The following DMD variants were observed in gnomAD, a reference collection of about 807,000 sequenced individuals.
DMD encodes the protein dystrophin.
A neutral mutation model predicts 330.1 loss-of-function variants in DMD; 63 were observed. That is an observed-to-expected ratio of 0.19 (90% CI 0.16 to 0.24). The LOEUF (loss-of-function observed/expected upper bound fraction) is 0.24. Ranked by LOEUF, DMD falls within the 10% of genes least tolerant of loss-of-function variation. The probability of loss-of-function intolerance (pLI) is 1.00; values close to 1 mark genes in which losing one functional copy is unlikely to be tolerated. For missense variants in DMD, 3,344 were observed against 2,684.1 expected, an observed-to-expected ratio of 1.25 and a Z score of -5.43; for synonymous variants, 1,223 against 959.8, an observed-to-expected ratio of 1.27 and a Z score of -5.07.
chrX:33,116,603 C>G (rs1012457530), intron 1 of DMD, among the ~76,000 whole-genome samples: 4 of 111,577 alleles, frequency 3.6e-5, no homozygotes, highest in African/African-American at 1.3e-4. Flanking sequence ...AGTTAATCCA[C>G]AGGAAATAAT....
chrX:32,712,419 C>A (rs2065273270), intron 7 of DMD, among the ~76,000 whole-genome samples: 1 of 111,190 alleles, frequency 9.0e-6, no homozygotes, highest in Non-Finnish European at 1.9e-5. Context: ...AAATGTGAAA[C>A]CTCAGGATCA....
At chrX:32,833,524 C>T (rs2079329629) in intron 4 of DMD, among the ~76,000 whole-genome samples, 1 of 109,442 alleles carries the variant, frequency 9.1e-6, no homozygotes, top group African/African-American at 3.3e-5. Flanking sequence ...GTCCTCAATA[C>T]TTTCACAATT....
intron 7 of DMD, among the ~76,000 whole-genome samples, chrX:32,781,797 C>A (rs1008512369): frequency 9.0e-6 from 1 of 111,232 alleles, no homozygotes; most frequent in Non-Finnish European, 1.9e-5. Flanking sequence ...GAAAACTAGC[C>A]TAAACATAAG....
At chrX:31,206,272 C>T (rs1008105876) in intron 66 of DMD, among the ~76,000 whole-genome samples, 10 of 112,188 alleles carry the variant, frequency 8.9e-5, no homozygotes, top group Non-Finnish European at 1.7e-4. Flanking sequence ...CTTATTTTTC[C>T]GACTTACAGA....
intron 54 of DMD, among the ~76,000 whole-genome samples, chrX:31,642,796 A>T (rs1178067623): frequency 8.9e-6 from 1 of 112,009 alleles, no homozygotes; most frequent in Non-Finnish European, 1.9e-5. Context: ...TTTATAGGAT[A>T]ACTGCAATAC....
chrX:32,192,357 G>A (rs1482976990), intron 44 of DMD, among the ~76,000 whole-genome samples: 1 of 111,415 alleles, frequency 9.0e-6, no homozygotes, highest in African/African-American at 3.3e-5. Context: ...TGCTCTCTAG[G>A]TTGCCAATAT....
chrX:32,827,914 G>A (rs935535736), intron 4 of DMD, among the ~76,000 whole-genome samples: 3 of 110,790 alleles, frequency 2.7e-5, no homozygotes, highest in Non-Finnish European at 3.8e-5. Context: ...CGCTCGCCTC[G>A]GCCTCCCAAA....
chrX:31,712,934 T>C (rs945186994), intron 52 of DMD, among the ~76,000 whole-genome samples: 1 of 111,230 alleles, frequency 9.0e-6, no homozygotes, highest in African/African-American at 3.3e-5. Flanking sequence ...TGAACTCACA[T>C]ATATGATTTC....
At chrX:32,451,913 C>A (rs1206981233) in intron 26 of DMD, among the ~76,000 whole-genome samples, 2 of 110,704 alleles carry the variant, frequency 1.8e-5, no homozygotes, top group East Asian at 5.7e-4. Flanking sequence ...CACCCCCATA[C>A]TAAACCAATT....
chrX:32,301,222 T>TTAAAA (rs753187216), intron 42 of DMD, among the ~76,000 whole-genome samples: 1 of 74,687 alleles, frequency 1.3e-5, no homozygotes, highest in African/African-American at 4.9e-5. Context: ...TGCATACATC[T>TTAAAA]AAAAAAAAAA....
At chrX:31,264,969 T>G (rs757120832) in intron 62 of DMD, among the ~76,000 whole-genome samples, 2 of 112,888 alleles carry the variant, frequency 1.8e-5, no homozygotes, top group South Asian at 7.3e-4. Flanking sequence ...AACAAATATC[T>G]ACTGCTGTGG....
intron 43 of DMD, among the ~76,000 whole-genome samples, chrX:32,271,598 C>A (rs2097365323): frequency 8.9e-6 from 1 of 112,709 alleles, no homozygotes; most frequent in Non-Finnish European, 1.9e-5. Flanking sequence ...ATAATTGTGA[C>A]AAACATCCTC....
chrX:32,583,742 G>A (rs1194166497), intron 13 of DMD: 2 of 112,029 alleles, frequency 1.8e-5, no homozygotes, highest in Non-Finnish European at 1.9e-5. Flanking sequence ...ATATTCTACA[G>A]TGCCAACTTG....
intron 44 of DMD, among the ~76,000 whole-genome samples, chrX:32,123,720 C>T (rs2096649114): frequency 9.0e-6 from 1 of 111,517 alleles, no homozygotes; most frequent in Admixed American, 9.6e-5. Context: ...CTCCTTTAAA[C>T]ATTGTGGCAT....
chrX:32,395,640 T>A (rs1355779467), intron 30 of DMD, among the ~76,000 whole-genome samples: 1 of 111,957 alleles, frequency 8.9e-6, no homozygotes, highest in Non-Finnish European at 1.9e-5. Context: ...ATATCTGCTG[T>A]ATAATCTGGT....
chrX:32,523,932 C>CTT (rs57254581), intron 17 of DMD, among the ~76,000 whole-genome samples: 111 of 87,410 alleles, frequency 1.3e-3, no homozygotes, highest in African/African-American at 4.1e-3. Context: ...CAAAAGAAAT[C>CTT]TTTTTTTTTT....
intron 44 of DMD, among the ~76,000 whole-genome samples, chrX:32,198,012 T>G (rs1208670271): frequency 8.9e-6 from 1 of 111,850 alleles, no homozygotes; most frequent in Non-Finnish European, 1.9e-5. Context: ...AAGGCGTTGT[T>G]TAATTTTAAC....
chrX:32,197,937 CCTAT>C (rs2097014408), intron 44 of DMD, among the ~76,000 whole-genome samples: 1 of 111,280 alleles, frequency 9.0e-6, no homozygotes, highest in Non-Finnish European at 1.9e-5. Flanking sequence ...ACTTATGTCT[CCTAT>C]CTAACTGAAA....
At chrX:32,016,132 T>C (rs1011308909) in intron 44 of DMD, among the ~76,000 whole-genome samples, 1 of 112,177 alleles carries the variant, frequency 8.9e-6, no homozygotes, top group African/African-American at 3.2e-5. Context: ...CCTTCTGTTA[T>C]GCAATCTGCA....
Sources: allele counts gnomAD v4.1 joint callset (sites outside exome capture counted in the v4.1 genomes callset), GRCh38; gene constraint gnomAD v4.1.1; transcripts MANE v1.5; gene names NCBI Gene and HGNC (gene_info 2026-07-23, HGNC 2026-07-21).